The following SLC43A2 variants were observed in gnomAD, a reference collection of about 807,000 sequenced individuals.
SLC43A2 encodes the protein large neutral amino acids transporter small subunit 4.
SLC43A2 carries 38 observed loss-of-function variants against 63.2 expected under a neutral mutation model. The observed-to-expected ratio is 0.60, with a 90% CI of 0.46 to 0.79. SLC43A2 has a LOEUF of 0.79. SLC43A2 is among the 30% of genes least tolerant of loss of function. The pLI is 0.00. For synonymous variants in SLC43A2, 322 were observed against 331.0 expected (o/e 0.97, Z 0.30); for missense variants, 644 against 756.2 (o/e 0.85, Z 1.74).
chr17:1,586,119 G>C, intron 9 of SLC43A2, 68 bp from the exon 10 acceptor site: 5 of 1,504,280 alleles, frequency 3.3e-6, no homozygotes, highest in Non-Finnish European at 4.4e-6. Context: ...CTGGGCACCA[G>C]CTGGGAAGGG....
At position 1,573,410 on chromosome 17, in the gene SLC43A2, C is replaced by G. The variant is rs1460489830; in HGVS notation, c.*2194G>C. 1 of 152,266 alleles carries G rather than the reference C, an allele frequency of 6.6e-6. No homozygotes were observed. Among genetic ancestry groups the G allele is most frequent in the Non-Finnish European group, 1.5e-5 (1 of 68,106 alleles). 9.4% of individuals were successfully genotyped at this position (152,266 alleles called of 1,614,324 possible). Reference sequence around the variant, plus strand: ...GGCTGGTGGCTCTGATGGTTCGAGCCGTTCCTCGGCAGCACAGCACACCCG... The same window carrying G: ...GGCTGGTGGCTCTGATGGTTCGAGCGGTTCCTCGGCAGCACAGCACACCCG... On this transcript the variant is annotated 3_prime_UTR_variant, in exon 14 of 14. Coordinates refer to ENST00000301335, the MANE Select transcript of SLC43A2 (RefSeq NM_152346.3).
At position 1,593,154 on chromosome 17, in the gene SLC43A2, G is replaced by A; in HGVS notation, c.594+33C>T. The A allele has an allele frequency of 1.3e-6, 2 of 1,597,022 alleles. No homozygotes were observed. Among genetic ancestry groups the A allele is most frequent in the Non-Finnish European group, 8.6e-7 (1 of 1,167,648 alleles). On this transcript the variant is annotated intron_variant, in intron 6 of 13. Transcript: ENST00000301335. This position sits in a 1 kb window ranked among gnomAD's most constrained non-coding sequence, Gnocchi z 5.3. ...TGGAAGGAGCCTGGAGCAGGCCTCTGCACAGACACCAGTGCAAAATACACG... is the reference window on the plus strand; with the variant it reads ...TGGAAGGAGCCTGGAGCAGGCCTCTACACAGACACCAGTGCAAAATACACG...
chr17:1,594,577 T>G lies in SLC43A2; in HGVS notation c.502-1298A>C, dbSNP rs557256809. Among the ~76,000 whole-genome samples the G allele has an allele frequency of 4.2e-5, 4 of 96,224 alleles. No individual in the cohort carries two copies. The East Asian group carries it at 1.1e-3, about 26-fold the overall frequency. 63.1% of individuals were successfully genotyped at this position (96,224 alleles called of 152,430 possible). On this transcript the variant is annotated intron_variant, in intron 5 of 13. Coordinates refer to ENST00000301335, the MANE Select transcript of SLC43A2 (RefSeq NM_152346.3). ...ACTCCCCATTTGTCTTGAATCTTTT[T>G]CTTTCTTTCTTTCTTTTTTTTTTTT... is the stretch of plus-strand genomic sequence containing the variant.
Position 1,593,426 on chromosome 17 carries a change from A to G in SLC43A2, c.502-147T>C. ...TCACAGGGGCATTAGTTCAGGGGCA[A>G]TGACCGCTCACTGAAGGTTTCTCCT... On this transcript the variant is annotated intron_variant, in intron 5 of 13. Coordinates refer to ENST00000301335, the MANE Select transcript of SLC43A2 (RefSeq NM_152346.3). The surrounding 1 kb of genome is among the most constrained non-coding windows in gnomAD (Gnocchi z 5.3). 2.8e-6 allele frequency: 2 copies of G among 712,238 alleles called. No homozygotes were observed. The highest frequency in any genetic ancestry group is 2.4e-6 in the Non-Finnish European group (1 of 412,102). 44.1% of individuals were successfully genotyped at this position (712,238 alleles called of 1,614,324 possible).
intron 6 of SLC43A2, 36 bp from the exon 7 acceptor site, chr17:1,591,735 G>GGGGGCGGGGGGGGGGGGGGGA: frequency 1.5e-6 from 1 of 652,926 alleles, no homozygotes. Flanking sequence ...GGGGGGGGGA[G>GGGGGCGGGGGGGGGGGGGGGA]GGGGCAGAGT....
At chr17:1,586,927 ATCCC>A in intron 9 of SLC43A2, 3 of 1,355,944 alleles carry the variant, frequency 2.2e-6, no homozygotes, top group Non-Finnish European at 3.0e-6. Flanking sequence ...TTCCCTGACA[ATCCC>A]CCCCACCCCC....
At chr17:1,627,950 G>GCCCTTGCCCAGCCCCTGCGGCCGC in intron 1 of SLC43A2, 30 bp from the exon 2 acceptor site, 2 of 1,353,356 alleles carry the variant, frequency 1.5e-6, no homozygotes, top group Non-Finnish European at 1.9e-6. Context: ...TCAGCGGCCG[G>GCCCTTGCCCAGCCCCTGCGGCCGC]CCCTTGCCCA....
intron 11 of SLC43A2, among the ~76,000 whole-genome samples, chr17:1,579,936 CTT>C (rs749797885): frequency 1.7e-4 from 25 of 144,706 alleles, no homozygotes; most frequent in Admixed American, 2.8e-4. Context: ...TCAGGCTTTC[CTT>C]TTTTTTTTTT....
chr17:1,578,297 G>A lies in SLC43A2; in HGVS notation c.1377C>T (p.Ile459=), dbSNP rs1011359585. 20 of 1,613,980 alleles carry A rather than the reference G, an allele frequency of 1.2e-5. No individual in the cohort carries two copies. The highest frequency in any genetic ancestry group is 9.3e-5 in the African/African-American group (7 of 75,048). Residue 459 remains isoleucine, a synonymous_variant, in exon 12 of 14, where the codon ATC becomes ATT. Coordinates refer to ENST00000301335, the MANE Select transcript of SLC43A2 (RefSeq NM_152346.3). The surrounding 1 kb of genome is among the most constrained non-coding windows in gnomAD (Gnocchi z 6.5). ...LQILSFILHT[I]VRGFIHSAVG... ...CAGCGGAGTGGATGAATCCTCGCAC[G>A]ATTGTGTGCAGGATGAAGGAGAGGA...
chr17:1,625,749 G>A (rs1005749542), intron 2 of SLC43A2, among the ~76,000 whole-genome samples: 1 of 152,134 alleles, frequency 6.6e-6, no homozygotes, highest in African/African-American at 2.4e-5. Flanking sequence ...ACCAAAATTG[G>A]AGGCAGGAGC....
At chr17:1,591,499 T>C (rs1370913111) in intron 7 of SLC43A2, 28 bp from the exon 8 acceptor site, 3 of 1,610,976 alleles carry the variant, frequency 1.9e-6, no homozygotes. Context: ...TGTCTGTGGG[T>C]GCTGCCCGGG....
At position 1,575,712 on chromosome 17, in the gene SLC43A2, G is replaced by A; in HGVS notation, c.1602C>T (p.Tyr534=). The stretch of plus-strand genomic sequence containing the variant: ...CCAGCTGGCGCCGGTAGCAGATCAG[G>A]TAGAGCGGGAGGCAGAAGCCCAGCA... ...LSLLGFCLPL[Y]LICYRRQLER... is the part of the protein sequence containing the mutation. The change falls in exon 14 of 14, where the codon TAC becomes TAT. Residue 534 remains tyrosine, a synonymous_variant. Coordinates refer to ENST00000301335, the MANE Select transcript of SLC43A2 (RefSeq NM_152346.3). 1 of 1,613,930 alleles carries A rather than the reference G, an allele frequency of 6.2e-7. No individual in the cohort carries two copies. The highest frequency in any genetic ancestry group is 8.5e-7 in the Non-Finnish European group (1 of 1,179,970).
At chr17:1,614,593 G>C (rs1907421873) in intron 4 of SLC43A2, among the ~76,000 whole-genome samples, 1 of 152,124 alleles carries the variant, frequency 6.6e-6, no homozygotes. Context: ...GGGACCAGGT[G>C]GCTTCTAAGC....
chr17:1,602,352 C>T (rs2151060828), intron 5 of SLC43A2, among the ~76,000 whole-genome samples: 1 of 152,188 alleles, frequency 6.6e-6, no homozygotes, highest in South Asian at 2.1e-4. Flanking sequence ...GTATTAAAGA[C>T]ATTCATTCAC....
intron 2 of SLC43A2, 35 bp downstream of exon 2, chr17:1,627,680 C>T: frequency 7.2e-7 from 1 of 1,382,396 alleles, no homozygotes; most frequent in Non-Finnish European, 9.5e-7. Context: ...GCCCCAGCTC[C>T]AGGAGCCCCC....
intron 2 of SLC43A2, among the ~76,000 whole-genome samples, chr17:1,620,301 GA>G (rs1908037740): frequency 6.6e-6 from 1 of 152,208 alleles, no homozygotes; most frequent in East Asian, 1.9e-4. Context: ...CCAGGAGGCA[GA>G]GGTTGCAGTG....
In SLC43A2 at chr17:1,576,591, T is replaced by C. The variant is rs375287141; in HGVS notation, c.1548+6A>G. On this transcript the variant is annotated splice_donor_region_variant and intron_variant, in intron 13 of 13. Coordinates refer to ENST00000301335, the MANE Select transcript of SLC43A2 (RefSeq NM_152346.3). ...CCATGACCCACCATCCCCCGACCCC[T>C]CTTACCCACAGAGGGTCTCCCTGGA... 3.7e-6 allele frequency: 6 copies of C among 1,602,348 alleles called. No individual in the cohort carries two copies. In the African/African-American group the frequency reaches 6.7e-5, roughly 18 times the overall value.
chr17:1,573,953 G>A lies in SLC43A2; in HGVS notation c.*1651C>T, dbSNP rs2075884352. On this transcript the variant is annotated 3_prime_UTR_variant, in exon 14 of 14. Coordinates refer to ENST00000301335, the MANE Select transcript of SLC43A2 (RefSeq NM_152346.3). ...TATTTGAGTGAAATAAAGCCTAGGA[G>A]ATATGTGTTCCAGGCGCCCAAGCTG... 1 of 152,214 alleles carries A rather than the reference G, an allele frequency of 6.6e-6. No individual in the cohort carries two copies. Among genetic ancestry groups the A allele is most frequent in the East Asian group, 1.9e-4 (1 of 5,202 alleles). 9.4% of individuals were successfully genotyped at this position (152,214 alleles called of 1,614,324 possible). A position where few individuals can be genotyped will look rare whatever the true frequency, so the allele number is the denominator to read the frequency against.
intron 5 of SLC43A2, among the ~76,000 whole-genome samples, chr17:1,594,853 G>T (rs1054536654): frequency 6.6e-6 from 1 of 151,846 alleles, no homozygotes; most frequent in African/African-American, 2.4e-5. Flanking sequence ...CTCCCAAAGT[G>T]CTGGGATTAC....
Sources: allele counts gnomAD v4.1 joint callset (sites outside exome capture counted in the v4.1 genomes callset), GRCh38; gene constraint gnomAD v4.1.1; non-coding constraint Gnocchi (gnomAD v3.1); transcripts MANE v1.5; gene names NCBI Gene and HGNC (gene_info 2026-07-23, HGNC 2026-07-21).